Variants in MRNIP observed in about 807,000 individuals in gnomAD.
MRNIP encodes the protein MRN complex-interacting protein.
A neutral mutation model predicts 29.8 loss-of-function variants in MRNIP; 30 were observed. The ratio of observed to expected loss-of-function variants is 1.01; its 90% CI spans 0.75 to 1.36. MRNIP has a LOEUF of 1.36. MRNIP is among the 40% of genes most tolerant of loss of function. The pLI, the probability that MRNIP is intolerant of heterozygous loss-of-function variation, is 0.00. For synonymous variants in MRNIP, 201 were observed against 164.1 expected (o/e 1.23, Z -1.72); for missense variants, 459 against 423.5 (o/e 1.08, Z -0.74).
intron 2 of MRNIP, chr5:179,851,486 G>A (rs1759364674): frequency 6.7e-6 from 3 of 446,492 alleles, no homozygotes; most frequent in African/African-American, 4.0e-5. Context: ...GGAGAAGCTG[G>A]GTGATGGGCA....
At chr5:179,855,722 A>G (rs994265172) in intron 1 of MRNIP, among the ~76,000 whole-genome samples, 1 of 152,176 alleles carries the variant, frequency 6.6e-6, no homozygotes. Flanking sequence ...TACGATTAAT[A>G]TGATCCTAAT....
chr5:179,851,802 C>A (rs1020286806), intron 2 of MRNIP, among the ~76,000 whole-genome samples: 1 of 151,898 alleles, frequency 6.6e-6, no homozygotes, highest in Admixed American at 6.6e-5. Flanking sequence ...CATGGTGAAA[C>A]CCCATCTCTA....
chr5:179,841,085 T>G, intron 5 of MRNIP, 126 bp from the exon 6 acceptor site: 1 of 635,990 alleles, frequency 1.6e-6, no homozygotes, highest in South Asian at 1.9e-5. Flanking sequence ...CCCAGGCAGC[T>G]GCTCAGGGTG....
intron 6 of MRNIP, 67 bp downstream of exon 6, chr5:179,840,803 CAA>C: frequency 8.6e-7 from 1 of 1,156,746 alleles, no homozygotes; most frequent in Non-Finnish European, 1.3e-6. Context: ...TCAACTGTGA[CAA>C]AAGACAGAAT....
chr5:179,837,898 A>G lies in MRNIP; in HGVS notation c.538-13T>C, dbSNP rs1297851652. 1 of 1,598,432 alleles carries G rather than the reference A, an allele frequency of 6.3e-7. No individual in the cohort carries two copies. The highest frequency in any genetic ancestry group is 2.2e-5 in the East Asian group (1 of 44,794). ...GGCCAGCCTGTCCCTGAAAGAGAAG[A>G]TGGCCATGCCCTCCATGTGTAAGAA... On this transcript the variant is annotated splice_polypyrimidine_tract_variant and intron_variant, in intron 6 of 6. Coordinates refer to ENST00000292586, the MANE Select transcript of MRNIP (RefSeq NM_016175.4).
chr5:179,857,087 A>AAAAT (rs1284992348), intron 1 of MRNIP, among the ~76,000 whole-genome samples: 8 of 152,154 alleles, frequency 5.3e-5, no homozygotes, highest in African/African-American at 1.9e-4. Flanking sequence ...ACCTTGTCTC[A>AAAAT]AAATAAATAA....
intron 6 of MRNIP, chr5:179,840,448 A>G (rs1028344010): frequency 1.3e-5 from 3 of 234,868 alleles, no homozygotes; most frequent in Non-Finnish European, 2.5e-5. Context: ...CTAAGTGAAG[A>G]GTGCCTCACA....
At chr5:179,853,902 G>C (rs1759479142) in intron 1 of MRNIP, among the ~76,000 whole-genome samples, 1 of 151,936 alleles carries the variant, frequency 6.6e-6, no homozygotes, top group South Asian at 2.1e-4. Context: ...AGTAGAGATG[G>C]GGTTTCACCA....
At position 179,837,700 on chromosome 5, in the gene MRNIP, A is replaced by G. The variant is rs763199567; in HGVS notation, c.723T>C (p.His241=). 153 of 1,613,954 alleles carry G rather than the reference A, an allele frequency of 9.5e-5. No homozygotes were observed. The highest frequency in any genetic ancestry group is 1.3e-4 in the Non-Finnish European group (149 of 1,179,892). ...QFVLPPRKSS[H]VDSEQPRSLQ... ...GAGACCTTGGCTGCTCACTGTCCAC[A>G]TGTGAACTTTTTCTAGGTGGCAGGA... is the stretch of plus-strand genomic sequence containing the variant. The change falls in exon 7 of 7, where the codon CAT becomes CAC. Residue 241 remains histidine, a synonymous_variant. Coordinates refer to ENST00000292586, the MANE Select transcript of MRNIP (RefSeq NM_016175.4).
At chr5:179,843,317 T>A (rs369803472) in intron 4 of MRNIP, among the ~76,000 whole-genome samples, 6 of 152,028 alleles carry the variant, frequency 3.9e-5, no homozygotes, top group East Asian at 3.9e-4. Flanking sequence ...CACAGAAGAA[T>A]GATACAACTC....
At chr5:179,853,504 C>A in intron 1 of MRNIP, 67 bp from the exon 2 acceptor site, 1 of 1,353,980 alleles carries the variant, frequency 7.4e-7, no homozygotes. Context: ...GGGCTGGACT[C>A]GGTGGCTCAT....
chr5:179,842,699 CAAAAAAAAAAAAA>C (rs58952171), intron 4 of MRNIP, among the ~76,000 whole-genome samples: 1,018 of 29,002 alleles, frequency 0.035, 12 homozygotes, highest in Non-Finnish European at 0.045. Flanking sequence ...GACTCCGTCT[CAAAAAAAAAAAAA>C]AAAAAAAAAA....
chr5:179,851,462 G>C, intron 2 of MRNIP: 1 of 455,870 alleles, frequency 2.2e-6, no homozygotes, highest in South Asian at 1.5e-5. Context: ...GGAGAAAATA[G>C]AGTAAAGATA....
intron 3 of MRNIP, among the ~76,000 whole-genome samples, chr5:179,846,655 G>C (rs1759143010): frequency 6.6e-6 from 1 of 152,074 alleles, no homozygotes; most frequent in African/African-American, 2.4e-5. Context: ...TCTGCTTCCT[G>C]GGACAATTAA....
At chr5:179,852,903 C>T (rs990920879) in intron 2 of MRNIP, among the ~76,000 whole-genome samples, 20 of 152,232 alleles carry the variant, frequency 1.3e-4, no homozygotes, top group Admixed American at 7.2e-4. Context: ...CCTGCCTCCA[C>T]TTCCTGAGCC....
chr5:179,844,088 C>T (rs981808931), intron 4 of MRNIP, 64 bp downstream of exon 4: 3 of 1,322,014 alleles, frequency 2.3e-6, no homozygotes, highest in Non-Finnish European at 3.3e-6. Flanking sequence ...CTACTGGATA[C>T]ATCTGTGCAT....
chr5:179,858,615 C>T, intron 1 of MRNIP, 116 bp downstream of exon 1: 3 of 653,100 alleles, frequency 4.6e-6, no homozygotes, highest in South Asian at 4.1e-5. Flanking sequence ...GCGGTCCCTG[C>T]ACTCCTTCGG....
chr5:179,837,760 C>G lies in MRNIP; in HGVS notation c.663G>C (p.Gln221His). 6.2e-7 allele frequency: 1 copy of G among 1,614,260 alleles called. No homozygotes were observed. Among genetic ancestry groups the G allele is most frequent in the Non-Finnish European group, 8.5e-7 (1 of 1,180,052 alleles). Residue 221 changes from glutamine (Q) to histidine (H), a missense_variant, in exon 7 of 7, where the codon CAG becomes CAC. Coordinates refer to ENST00000292586, the MANE Select transcript of MRNIP (RefSeq NM_016175.4). ...PGKELWSPIQ[Q>H]VTATSSKWAQ... ...CCCATTTAGAGGATGTGGCTGTAAC[C>G]TGCTGGATGGGACTCCATAGCTCCT...
At position 179,840,906 on chromosome 5, in the gene MRNIP, G is replaced by C; in HGVS notation, c.503C>G (p.Ser168Trp). 1 of 1,612,114 alleles carries C rather than the reference G, an allele frequency of 6.2e-7. No homozygotes were observed. The highest frequency in any genetic ancestry group is 1.1e-5 in the South Asian group (1 of 90,566). Residue 168 changes from serine (S) to tryptophan (W), a missense_variant, in exon 6 of 7, where the codon TCG (serine) becomes TGG (tryptophan). Transcript: ENST00000292586. The part of the protein sequence containing the change: ...QPPCSRGVQD[S>W]GGSEVAWGPQ... ...TCCCCAGGCGACCTCAGAGCCACCC[G>C]AGTCCTGCACGCCACGGCTGCACGG...
Sources: gnomAD v4.1 joint callset for allele counts (sites outside exome capture counted in the v4.1 genomes callset) on GRCh38, gnomAD v4.1.1 for gene constraint, MANE v1.5 for transcripts, NCBI Gene and HGNC (gene_info 2026-07-23, HGNC 2026-07-21) for gene names.